Variants in FRAS1 observed in about 807,000 individuals in gnomAD.
The protein encoded by FRAS1 is extracellular matrix organizing protein FRAS1.
In FRAS1, 290 loss-of-function variants were observed where a neutral mutation model predicts 435.2. The ratio of observed to expected loss-of-function variants is 0.67; its 90% CI spans 0.61 to 0.73. The LOEUF (loss-of-function observed/expected upper bound fraction) is 0.73, where lower values mean the gene tolerates loss of function less well. FRAS1 is among the 30% of genes least tolerant of loss of function. The probability of loss-of-function intolerance (pLI) is 0.00; values close to 1 mark genes in which losing one functional copy is unlikely to be tolerated. For missense variants in FRAS1, 4,860 were observed against 5,001.5 expected (o/e 0.97, Z 0.85); for synonymous variants, 1,800 against 1,851.0 (o/e 0.97, Z 0.71).
chr4:78,363,211 A>G (rs533326055), intron 20 of FRAS1, among the ~76,000 whole-genome samples: 156 of 152,268 alleles, frequency 1.0e-3, no homozygotes, highest in Non-Finnish European at 1.5e-3. Context: ...TTAGTCAGGA[A>G]GTTCTCTCTA....
chr4:78,140,510 T>A (rs1326340670), intron 2 of FRAS1, among the ~76,000 whole-genome samples: 1 of 152,148 alleles, frequency 6.6e-6, no homozygotes, highest in African/African-American at 2.4e-5. Flanking sequence ...ATTTGTAAAA[T>A]GATAATGCTG....
At position 78,433,745 on chromosome 4, in the gene FRAS1, G is replaced by A. The variant is rs145183959; in HGVS notation, c.5217+1141G>A. On this transcript the variant is annotated intron_variant, in intron 38 of 73. Transcript: ENST00000512123. ...TGGTTTTTTGAATCTTATGAAACTC[G>A]TGAATTCATAAAAATGTATGAATTC... Among the ~76,000 whole-genome samples the A allele has an allele frequency of 2.6e-3, 391 of 152,228 alleles. 2 individuals carry two copies. Among genetic ancestry groups the A allele is most frequent in the Middle Eastern group, 0.01 (3 of 294 alleles).
intron 59 of FRAS1, among the ~76,000 whole-genome samples, chr4:78,491,104 C>T (rs908700967): frequency 1.3e-5 from 2 of 151,982 alleles, no homozygotes; most frequent in East Asian, 1.9e-4. Context: ...AAGACTAAAC[C>T]GGGAAGAATT....
intron 2 of FRAS1, among the ~76,000 whole-genome samples, chr4:78,201,098 G>A (rs1723034144): frequency 6.6e-6 from 1 of 151,660 alleles, no homozygotes; most frequent in African/African-American, 2.4e-5. Context: ...ATTTGCACAG[G>A]GCACATATTT....
At chr4:78,474,007 A>C (rs1719790492) in intron 53 of FRAS1, among the ~76,000 whole-genome samples, 1 of 152,220 alleles carries the variant, frequency 6.6e-6, no homozygotes, top group Non-Finnish European at 1.5e-5. Context: ...AAGTTTTAGA[A>C]GAGAGTCTAG....
intron 9 of FRAS1, among the ~76,000 whole-genome samples, chr4:78,270,818 T>A (rs1467451260): frequency 6.6e-6 from 1 of 152,142 alleles, no homozygotes; most frequent in Non-Finnish European, 1.5e-5. Flanking sequence ...TTGTCACATT[T>A]CTGCAAAATA....
chr4:78,488,408 T>C (rs571553602), intron 58 of FRAS1, among the ~76,000 whole-genome samples: 1 of 152,298 alleles, frequency 6.6e-6, no homozygotes, highest in East Asian at 1.9e-4. Context: ...CTCTTTCCTA[T>C]TGTCTCTCTG....
chr4:78,096,587 G>A (rs1207871478), intron 2 of FRAS1, among the ~76,000 whole-genome samples: 1 of 152,222 alleles, frequency 6.6e-6, no homozygotes. Context: ...CAGTTCTTGA[G>A]TTCTGTGCAC....
chr4:78,286,583 C>G (rs773936549), intron 14 of FRAS1, 44 bp downstream of exon 14: 3 of 1,594,774 alleles, frequency 1.9e-6, no homozygotes, highest in Non-Finnish European at 2.6e-6. Flanking sequence ...ACCAAGACAG[C>G]TCCCCAACCC....
chr4:78,540,756 C>A lies in FRAS1; in HGVS notation c.11671C>A (p.Gln3891Lys), dbSNP rs747619590. The A allele has an allele frequency of 4.0e-5, 64 of 1,613,678 alleles. No individual in the cohort carries two copies. Among genetic ancestry groups the A allele is most frequent in the Admixed American group, 1.0e-4 (6 of 59,988 alleles). Residue 3891 changes from glutamine (Q) to lysine (K), a missense_variant, in exon 74 of 74, where the codon CAA becomes AAA. Gln to Lys is a moderately conservative substitution (Grantham distance 53). Transcript: ENST00000512123. Reference sequence around the variant, plus strand: ...TATGAAGTCCCTGAATCTGGAGATGCAAGAGTTGGCGGTAGCTGCGTCCCT... The same window carrying A: ...TATGAAGTCCCTGAATCTGGAGATGAAAGAGTTGGCGGTAGCTGCGTCCCT... ...TNMKSLNLEM[Q>K]ELAVAASLSQ...
chr4:78,242,498 T>C (rs1823921), intron 3 of FRAS1, among the ~76,000 whole-genome samples: 41,274 of 152,198 alleles, frequency 0.27, 6,037 homozygotes, highest in Non-Finnish European at 0.33. Context: ...TGCAGTGGTG[T>C]GATCTCTGCT....
chr4:78,513,270 T>G, intron 64 of FRAS1, 122 bp from the exon 65 acceptor site: 1 of 916,740 alleles, frequency 1.1e-6, no homozygotes, highest in South Asian at 1.5e-5. Context: ...CTGGAAAGCT[T>G]CAGGAAGAAA....
At chr4:78,359,507 C>G (rs1470420174) in intron 20 of FRAS1, among the ~76,000 whole-genome samples, 1 of 152,096 alleles carries the variant, frequency 6.6e-6, no homozygotes, top group Non-Finnish European at 1.5e-5. Context: ...GTCAACCAAC[C>G]TTGAGAGCCT....
rs1734248335 is a variant in FRAS1 at position 78,432,363 on chromosome 4, C to T, written c.4976C>T (p.Thr1659Ile). ...TTTGTTTTATTCTTGGAAGGTGACA[C>T]TTTCACCTATGAGGATGTTGAGAAA... ...EFRRPMATGD[T>I]FTYEDVEKNA... Residue 1659 changes from threonine to isoleucine, a missense_variant, in exon 38 of 74, where the codon ACT becomes ATT. Thr to Ile is a moderately conservative substitution (Grantham distance 89). Coordinates refer to ENST00000512123, the MANE Select transcript of FRAS1 (RefSeq NM_025074.7). 6.3e-7 allele frequency: 1 copy of T among 1,594,856 alleles called. No homozygotes were observed. The highest frequency in any genetic ancestry group is 1.7e-5 in the Admixed American group (1 of 57,800).
At chr4:78,523,500 T>C (rs1721450240) in intron 69 of FRAS1, among the ~76,000 whole-genome samples, 1 of 151,908 alleles carries the variant, frequency 6.6e-6, no homozygotes, top group Non-Finnish European at 1.5e-5. Flanking sequence ...GAAAAAAAAA[T>C]TAAAACCACT....
chr4:78,473,527 AG>A lies in FRAS1; in HGVS notation c.7613del (p.Ser2538IlefsTer44). On this transcript the variant is annotated frameshift_variant, in exon 53 of 74. Coordinates refer to ENST00000512123, the MANE Select transcript of FRAS1 (RefSeq NM_025074.7). LOFTEE classifies it high-confidence loss of function. ...MDSFQFLVKD[S>X]KPNVVSDNVF... ...TAGTTTTCAGTTTCTGGTGAAAGAC[AG>A]TAAACCCAATGTGGTCAGCGACAAT... 1 of 1,613,416 alleles carries A rather than the reference AG, an allele frequency of 6.2e-7. No individual in the cohort carries two copies. Among genetic ancestry groups the A allele is most frequent in the Non-Finnish European group, 8.5e-7 (1 of 1,179,554 alleles).
chr4:78,102,059 T>A (rs1742160043), intron 2 of FRAS1, among the ~76,000 whole-genome samples: 1 of 152,208 alleles, frequency 6.6e-6, no homozygotes, highest in Non-Finnish European at 1.5e-5. Context: ...ATTTTCTCAT[T>A]TGATTGGTGC....
At position 78,473,568 on chromosome 4, in the gene FRAS1, G is replaced by C; in HGVS notation, c.7653G>C (p.Gln2551His). ...TCAGCGACAATGTCTTCCATATCCAGTGGTCACTCATCAGCTTTAAATATA... is the reference window on the plus strand; with the variant it reads ...TCAGCGACAATGTCTTCCATATCCACTGGTCACTCATCAGCTTTAAATATA... ...NVVSDNVFHI[Q>H]WSLISFKYTS... The change falls in exon 53 of 74, where the codon CAG (glutamine) becomes CAC (histidine). Residue 2551 changes from glutamine (Q) to histidine (H), a missense_variant. Gln to His is a conservative substitution (Grantham distance 24). Coordinates refer to ENST00000512123, the MANE Select transcript of FRAS1 (RefSeq NM_025074.7). 1 of 1,609,522 alleles carries C rather than the reference G, an allele frequency of 6.2e-7. No homozygotes were observed. The highest frequency in any genetic ancestry group is 8.5e-7 in the Non-Finnish European group (1 of 1,177,690).
rs958014899 is a variant in FRAS1 at position 78,440,078 on chromosome 4, C to T, written c.5529+1014C>T. 8.0e-5 allele frequency among the ~76,000 whole-genome samples: 11 copies of T among 138,270 alleles called. No homozygotes were observed. The Admixed American group carries it at 8.7e-4, about 11-fold the overall frequency. 90.7% of individuals were successfully genotyped at this position (138,270 alleles called of 152,430 possible). A position where few individuals can be genotyped will look rare whatever the true frequency, so the allele number is the denominator to read the frequency against. On this transcript the variant is annotated intron_variant, in intron 40 of 73. Coordinates refer to ENST00000512123, the MANE Select transcript of FRAS1 (RefSeq NM_025074.7). ...TCGCTCTGTCGCCCAGGCGGGACTG[C>T]GGACTGCAGTGGCGCAATCTCGGCT... is the stretch of plus-strand genomic sequence containing the variant.
Sources: gnomAD v4.1 joint callset for allele counts (sites outside exome capture counted in the v4.1 genomes callset) on GRCh38, gnomAD v4.1.1 for gene constraint, MANE v1.5 for transcripts, NCBI Gene and HGNC (gene_info 2026-07-23, HGNC 2026-07-21) for gene names.